Variants in SVIL observed in about 807,000 individuals in gnomAD.
The protein encoded by SVIL is supervillin.
SVIL carries 101 observed loss-of-function variants against 240.4 expected under a neutral mutation model. The ratio of observed to expected loss-of-function variants is 0.42; its 90% confidence interval spans 0.36 to 0.50. The LOEUF (loss-of-function observed/expected upper bound fraction) is 0.50. Ranked by LOEUF, SVIL falls within the 20% of genes least tolerant of loss-of-function variation. SVIL has a pLI of 0.01. For missense variants in SVIL, 2,512 were observed against 2,818.7 expected (o/e 0.89, Z 2.46); for synonymous variants, 999 against 1,100.0 (o/e 0.91, Z 1.82).
intron 1 of SVIL, among the ~76,000 whole-genome samples, chr10:29,611,414 C>T (rs1030025098): frequency 3.3e-5 from 5 of 151,860 alleles, no homozygotes; most frequent in Admixed American, 6.6e-5. Flanking sequence ...ACTGCTGGAA[C>T]GTGTCAAGTG....
At chr10:29,600,040 G>T (rs1026181417) in intron 1 of SVIL, among the ~76,000 whole-genome samples, 4 of 151,556 alleles carry the variant, frequency 2.6e-5, no homozygotes, top group African/African-American at 9.7e-5. Flanking sequence ...AGATTTTTTT[G>T]ATTCTTTTTT....
chr10:29,691,965 T>C (rs1274121858), intron 1 of SVIL, among the ~76,000 whole-genome samples: 4 of 152,104 alleles, frequency 2.6e-5, no homozygotes, highest in Admixed American at 2.0e-4. Context: ...TTAGCACCCA[T>C]CTGGAAGTTG....
At chr10:29,700,065 T>C (rs1962389564) in intron 1 of SVIL, among the ~76,000 whole-genome samples, 1 of 151,954 alleles carries the variant, frequency 6.6e-6, no homozygotes. Flanking sequence ...CACTAGAGAG[T>C]AAAAACATAG....
Position 29,532,001 on chromosome 10 carries a change from C to T in SVIL, c.2009+1G>A, listed in dbSNP as rs754851303. ...AGGAAACTGCGCATACGCATGCCTA[C>T]CTATCCGATTCCTTTCGTTCTGCTG... On this transcript the variant is annotated splice_donor_variant, in intron 9 of 37. Coordinates refer to ENST00000355867, the MANE Select transcript of SVIL (RefSeq NM_021738.3). LOFTEE classifies it high-confidence loss of function. The T allele has an allele frequency of 2.5e-6, 4 of 1,614,154 alleles. No individual in the cohort carries two copies. The South Asian group carries it at 4.4e-5, about 18-fold the overall frequency.
intron 1 of SVIL, among the ~76,000 whole-genome samples, chr10:29,691,263 G>A (rs1402377057): frequency 2.7e-5 from 4 of 150,526 alleles, no homozygotes; most frequent in Non-Finnish European, 5.9e-5. Flanking sequence ...CCAGGCTGGA[G>A]TGCAGTGGTG....
chr10:29,647,243 A>G (rs1323221967), intron 3 of SVIL: 1 of 152,278 alleles, frequency 6.6e-6, no homozygotes, highest in Admixed American at 6.5e-5. Context: ...CCAGGAAACC[A>G]CAGCCCAAGT....
At chr10:29,603,099 C>T (rs188668418) in intron 1 of SVIL, among the ~76,000 whole-genome samples, 178 of 152,286 alleles carry the variant, frequency 1.2e-3, no homozygotes, top group African/African-American at 4.2e-3. Context: ...ACTCCTTCCC[C>T]TTGCTGGATG....
chr10:29,492,651 T>C (rs1948081613), intron 21 of SVIL, among the ~76,000 whole-genome samples: 1 of 152,158 alleles, frequency 6.6e-6, no homozygotes, highest in African/African-American at 2.4e-5. Flanking sequence ...CCTAATACCA[T>C]AATCACTTTT....
intron 1 of SVIL, among the ~76,000 whole-genome samples, chr10:29,578,572 T>C (rs1260181603): frequency 2.6e-5 from 4 of 152,248 alleles, no homozygotes; most frequent in African/African-American, 4.8e-5. Flanking sequence ...CCTACCAACA[T>C]TGAATTCACC....
intron 1 of SVIL, among the ~76,000 whole-genome samples, chr10:29,629,465 C>T (rs1053294893): frequency 3.3e-5 from 5 of 152,112 alleles, no homozygotes; most frequent in Admixed American, 1.3e-4. Flanking sequence ...GAATCAGACG[C>T]TGCAGTAACA....
chr10:29,530,412 A>G (rs1951273681), intron 11 of SVIL, among the ~76,000 whole-genome samples, 195 bp downstream of exon 11: 1 of 152,164 alleles, frequency 6.6e-6, no homozygotes, highest in Non-Finnish European at 1.5e-5. Context: ...AGGTGCATGA[A>G]GTAGGCTGGG....
chr10:29,542,837 G>A (rs552319181), intron 6 of SVIL, among the ~76,000 whole-genome samples: 1 of 152,322 alleles, frequency 6.6e-6, no homozygotes, highest in Admixed American at 6.5e-5. Flanking sequence ...GGGTGCCTGT[G>A]AAGTGGCATC....
intron 1 of SVIL, among the ~76,000 whole-genome samples, chr10:29,626,807 G>A (rs1201840133): frequency 1.3e-5 from 2 of 152,086 alleles, no homozygotes; most frequent in Non-Finnish European, 2.9e-5. Context: ...GGTGGATCAC[G>A]AGGTCAGGAG....
chr10:29,581,273 C>G (rs1260895913), intron 1 of SVIL, among the ~76,000 whole-genome samples: 1 of 152,184 alleles, frequency 6.6e-6, no homozygotes, highest in Admixed American at 6.6e-5. Flanking sequence ...AAAATTGCCC[C>G]TAGGGAAAGC....
chr10:29,488,033 TCTC>T (rs1043826726), intron 23 of SVIL, among the ~76,000 whole-genome samples: 16 of 151,826 alleles, frequency 1.1e-4, no homozygotes, highest in Non-Finnish European at 2.1e-4. Context: ...GGCAGCCGAG[TCTC>T]CTCCTCATGG....
At chr10:29,539,727 C>T (rs1415086979) in intron 6 of SVIL, among the ~76,000 whole-genome samples, 3 of 152,192 alleles carry the variant, frequency 2.0e-5, no homozygotes, top group African/African-American at 7.2e-5. Flanking sequence ...TCCTCACCCC[C>T]ACGATACACA....
chr10:29,531,171 C>T, intron 10 of SVIL, 83 bp downstream of exon 10: 1 of 1,372,904 alleles, frequency 7.3e-7, no homozygotes, highest in Non-Finnish European at 1.0e-6. Context: ...TCATCTTACT[C>T]TCTCAAAAAG....
chr10:29,531,391 T>C (rs1951357486), intron 9 of SVIL, 103 bp from the exon 10 acceptor site: 1 of 1,189,842 alleles, frequency 8.4e-7, no homozygotes, highest in African/African-American at 1.6e-5. Context: ...GCAATTAAAT[T>C]CTTTTAAGAA....
intron 2 of SVIL, among the ~76,000 whole-genome samples, chr10:29,665,324 T>C (rs1331186671): frequency 6.6e-6 from 1 of 151,300 alleles, no homozygotes. Flanking sequence ...GATATGTTGA[T>C]CCCTCTCTGG....
Sources: gnomAD v4.1 joint callset for allele counts (sites outside exome capture counted in the v4.1 genomes callset) on GRCh38, gnomAD v4.1.1 for gene constraint, MANE v1.5 for transcripts, NCBI Gene and HGNC (gene_info 2026-07-23, HGNC 2026-07-21) for gene names.